The following NRG1 variants were observed in gnomAD, a reference collection of about 807,000 sequenced individuals.
The protein encoded by NRG1 is neuregulin 1, also known as pro-neuregulin-1, membrane-bound isoform.
A neutral mutation model predicts 63.8 loss-of-function variants in NRG1; 18 were observed. That is an observed-to-expected ratio of 0.28 (90% CI 0.19 to 0.42). The LOEUF is 0.42. NRG1 is among the 10% of genes least tolerant of loss of function. The pLI is 1.00. For missense variants in NRG1, 762 were observed against 814.7 expected (o/e 0.94, Z 0.79); for synonymous variants, 302 against 301.3 (o/e 1.00, Z -0.02).
At chr8:31,813,972 A>T (rs1003010181) in intron 1 of NRG1, among the ~76,000 whole-genome samples, 8 of 152,196 alleles carry the variant, frequency 5.3e-5, no homozygotes, top group Non-Finnish European at 1.0e-4. Flanking sequence ...CCAAATTATT[A>T]CATGCCAGTG....
intron 1 of NRG1, among the ~76,000 whole-genome samples, chr8:32,156,559 G>C (rs73576604): frequency 6.6e-6 from 1 of 152,128 alleles, no homozygotes; most frequent in Non-Finnish European, 1.5e-5. Context: ...AATAAATAAT[G>C]AATGAAAAGA....
intron 1 of NRG1, among the ~76,000 whole-genome samples, chr8:32,427,738 T>A (rs1226103575): frequency 1.3e-5 from 2 of 152,178 alleles, no homozygotes; most frequent in African/African-American, 4.8e-5. Context: ...TCTAAGATTG[T>A]TCTAACGTGT....
rs554271607 is a variant in NRG1, at chr8:31,850,494, C to T, written c.37+211063C>T. Among the ~76,000 whole-genome samples the T allele has an allele frequency of 3.3e-5, 5 of 152,238 alleles. No individual in the cohort carries two copies. In the East Asian group the frequency reaches 5.8e-4, roughly 18 times the overall value. On this transcript the variant is annotated intron_variant, in intron 1 of 10. Transcript: ENST00000519301. ...GAACTTTGTTACATAAAAAATTGAA[C>T]CAGATTTGCCTGGCATGGCTACACA...
intron 1 of NRG1, among the ~76,000 whole-genome samples, chr8:31,929,985 C>T (rs1834733189): frequency 6.6e-6 from 1 of 152,202 alleles, no homozygotes; most frequent in Non-Finnish European, 1.5e-5. Context: ...CTTTCTTGTT[C>T]TCCAGGCAGT....
chr8:31,976,268 A>G (rs1808157015), intron 1 of NRG1, among the ~76,000 whole-genome samples: 1 of 152,216 alleles, frequency 6.6e-6, no homozygotes, highest in Non-Finnish European at 1.5e-5. Context: ...AATGTTATAC[A>G]GTAGATGCCT....
intron 5 of NRG1, among the ~76,000 whole-genome samples, chr8:32,678,582 G>A (rs1807794382): frequency 6.6e-6 from 1 of 152,092 alleles, no homozygotes; most frequent in African/African-American, 2.4e-5. Context: ...GTGCTCAGAA[G>A]CACTCTCATT....
At chr8:31,701,205 C>T (rs1810593213) in intron 1 of NRG1, among the ~76,000 whole-genome samples, 1 of 152,040 alleles carries the variant, frequency 6.6e-6, no homozygotes, top group Admixed American at 6.6e-5. Context: ...CACATTTGGT[C>T]TAGTCCAAGT....
At chr8:31,874,627 T>C (rs1563513410) in intron 1 of NRG1, among the ~76,000 whole-genome samples, 1 of 152,236 alleles carries the variant, frequency 6.6e-6, no homozygotes, top group Non-Finnish European at 1.5e-5. Flanking sequence ...TTTTAGTTTT[T>C]TAAAAATACA....
chr8:31,911,831 C>T (rs1353489306), intron 1 of NRG1, among the ~76,000 whole-genome samples: 1 of 152,148 alleles, frequency 6.6e-6, no homozygotes, highest in East Asian at 1.9e-4. Flanking sequence ...AGTGAAGAAT[C>T]TGTGGAATCT....
chr8:31,761,694 C>T (rs1217420135), intron 1 of NRG1, among the ~76,000 whole-genome samples: 1 of 151,866 alleles, frequency 6.6e-6, no homozygotes, highest in African/African-American at 2.4e-5. Context: ...ATTTGTGGTG[C>T]CCCAAAGCCA....
intron 6 of NRG1, among the ~76,000 whole-genome samples, chr8:32,732,796 TTTC>T (rs1370927668): frequency 7.2e-6 from 1 of 139,788 alleles, no homozygotes; most frequent in African/African-American, 2.6e-5. Context: ...TCATGTTTAA[TTTC>T]TTTTTTTTTT....
chr8:31,934,570 C>G (rs1173747702), intron 1 of NRG1, among the ~76,000 whole-genome samples: 1 of 151,576 alleles, frequency 6.6e-6, no homozygotes, highest in African/African-American at 2.4e-5. Flanking sequence ...GGATTACTTT[C>G]TACTATACAA....
At chr8:31,794,569 A>T (rs16878306) in intron 1 of NRG1, among the ~76,000 whole-genome samples, 1 of 151,876 alleles carries the variant, frequency 6.6e-6, no homozygotes, top group Non-Finnish European at 1.5e-5. Context: ...AATAGTAAAG[A>T]TGAATGTCTC....
At chr8:32,080,408 A>G (rs1336627950) in intron 1 of NRG1, among the ~76,000 whole-genome samples, 2 of 152,176 alleles carry the variant, frequency 1.3e-5, no homozygotes, top group Non-Finnish European at 2.9e-5. Context: ...CATGTCCCTT[A>G]ATTTATCCCT....
At chr8:32,603,232 T>C (rs1844673403) in intron 2 of NRG1, among the ~76,000 whole-genome samples, 1 of 152,152 alleles carries the variant, frequency 6.6e-6, no homozygotes, top group South Asian at 2.1e-4. Context: ...TTAACAGATA[T>C]GCCTTGTGAA....
At chr8:32,419,104 G>T (rs1038625868) in intron 1 of NRG1, among the ~76,000 whole-genome samples, 1 of 152,186 alleles carries the variant, frequency 6.6e-6, no homozygotes, top group Non-Finnish European at 1.5e-5. Context: ...GCACTTGAGA[G>T]ATGGATTTCC....
intron 1 of NRG1, 21 bp from the exon 2 acceptor site, chr8:32,595,807 C>T: frequency 6.5e-7 from 1 of 1,546,618 alleles, no homozygotes. Flanking sequence ...AGTTGTTTTT[C>T]ATTCTCTTTT....
chr8:32,374,840 T>G (rs1382295360), intron 1 of NRG1, among the ~76,000 whole-genome samples: 1 of 152,134 alleles, frequency 6.6e-6, no homozygotes, highest in Non-Finnish European at 1.5e-5. Flanking sequence ...GAAGCAGAGA[T>G]CAGATTATCT....
chr8:31,843,599 G>A (rs761923155), intron 1 of NRG1, among the ~76,000 whole-genome samples: 1 of 152,140 alleles, frequency 6.6e-6, no homozygotes, highest in African/African-American at 2.4e-5. Flanking sequence ...GAGTTTGGGG[G>A]AGGGCTGAAC....
Sources: gnomAD v4.1 joint callset for allele counts (sites outside exome capture counted in the v4.1 genomes callset) on GRCh38, gnomAD v4.1.1 for gene constraint, MANE v1.5 for transcripts, NCBI Gene and HGNC (gene_info 2026-07-23, HGNC 2026-07-21) for gene names.